Variants in ARHGAP6 observed in about 807,000 individuals in gnomAD.
ARHGAP6 encodes rho GTPase-activating protein 6.
A neutral mutation model predicts 55.7 loss-of-function variants in ARHGAP6; 16 were observed. The ratio of observed to expected loss-of-function variants is 0.29; its 90% CI spans 0.19 to 0.44. The LOEUF is 0.44. Among genes scored for constraint, ARHGAP6 ranks in the 20% least tolerant of loss-of-function variants. The pLI, the probability that ARHGAP6 is intolerant of heterozygous loss-of-function variation, is 1.00. For missense variants in ARHGAP6, 698 were observed against 808.9 expected (o/e 0.86, Z 1.66); for synonymous variants, 382 against 360.9 (o/e 1.06, Z -0.66).
intron 2 of ARHGAP6, among the ~76,000 whole-genome samples, chrX:11,209,585 ATT>A (rs1482188101): frequency 8.9e-6 from 1 of 112,758 alleles, no homozygotes; most frequent in Admixed American, 9.4e-5. Context: ...CTTTATAATA[ATT>A]TTGTTTTATA....
At chrX:11,443,751 A>T (rs1240380142) in intron 1 of ARHGAP6, among the ~76,000 whole-genome samples, 1 of 110,830 alleles carries the variant, frequency 9.0e-6, no homozygotes, top group African/African-American at 3.3e-5. Flanking sequence ...ACATGGTGAA[A>T]CCTCATCTCT....
At chrX:11,641,589 T>C (rs1295839842) in intron 1 of ARHGAP6, among the ~76,000 whole-genome samples, 1 of 111,806 alleles carries the variant, frequency 8.9e-6, no homozygotes, top group Admixed American at 9.5e-5. Context: ...CATATAGATA[T>C]TGCAAAACTT....
Position 11,659,037 on chromosome X carries a change from C to G in ARHGAP6, c.588+5204G>C, listed in dbSNP as rs749615399. Among the ~76,000 whole-genome samples the G allele has an allele frequency of 4.5e-5, 5 of 111,213 alleles. No homozygotes were observed. In the East Asian group the frequency reaches 1.4e-3, roughly 31 times the overall value. ...GAACCACTGGTCTTTATGATGATCT[C>G]TCTAAAACCCCCAGAGTACAGGGGC... On this transcript the variant is annotated intron_variant, in intron 1 of 12. Transcript: ENST00000337414.
chrX:11,572,587 A>C (rs1166505463), intron 1 of ARHGAP6, among the ~76,000 whole-genome samples: 4 of 111,509 alleles, frequency 3.6e-5, no homozygotes, highest in East Asian at 2.8e-4. Context: ...CCAGTCTATC[A>C]TTGTTGGACA....
At chrX:11,242,063 C>T (rs368249584) in intron 2 of ARHGAP6, among the ~76,000 whole-genome samples, 1 of 111,656 alleles carries the variant, frequency 9.0e-6, no homozygotes, top group East Asian at 2.8e-4. Context: ...CAGTTAAACA[C>T]TAAGAAGAAA....
intron 1 of ARHGAP6, among the ~76,000 whole-genome samples, chrX:11,570,863 G>A (rs1455448429): frequency 9.0e-6 from 1 of 111,650 alleles, no homozygotes; most frequent in East Asian, 2.8e-4. Context: ...GTGGTATTGG[G>A]AGGTAGGGGC....
At chrX:11,210,467 T>C (rs1335350821) in intron 2 of ARHGAP6, among the ~76,000 whole-genome samples, 2 of 112,810 alleles carry the variant, frequency 1.8e-5, no homozygotes, top group African/African-American at 3.2e-5. Flanking sequence ...GAATTTCTGC[T>C]ATAACAGTCC....
At chrX:11,321,160 G>A (rs770733729) in intron 1 of ARHGAP6, among the ~76,000 whole-genome samples, 86 of 111,880 alleles carry the variant, frequency 7.7e-4, no homozygotes, top group Middle Eastern at 9.2e-3. Flanking sequence ...GGATGTAAGC[G>A]GTGTTTTTAA....
intron 1 of ARHGAP6, among the ~76,000 whole-genome samples, chrX:11,451,214 G>A (rs890459463): frequency 7.1e-5 from 8 of 111,909 alleles, no homozygotes; most frequent in African/African-American, 1.3e-4. Context: ...GCTGTTAGAC[G>A]CAGGGGCAAA....
chrX:11,222,628 C>T (rs1264032402), intron 2 of ARHGAP6, among the ~76,000 whole-genome samples: 3 of 111,939 alleles, frequency 2.7e-5, no homozygotes, highest in East Asian at 5.6e-4. Context: ...ATTTCTTTAT[C>T]TACTTAAACC....
chrX:11,464,955 G>A (rs774096231), intron 1 of ARHGAP6, among the ~76,000 whole-genome samples: 2 of 111,749 alleles, frequency 1.8e-5, no homozygotes, highest in African/African-American at 6.5e-5. Flanking sequence ...TCTTCTGACT[G>A]CACCACCTTC....
chrX:11,623,621 C>T (rs1176062806), intron 1 of ARHGAP6, among the ~76,000 whole-genome samples: 3 of 104,912 alleles, frequency 2.9e-5, no homozygotes, highest in Non-Finnish European at 5.8e-5. Context: ...GGCGTGAACC[C>T]GGGAGGCGGA....
intron 1 of ARHGAP6, chrX:11,334,731 G>A (rs1000591052): frequency 2.1e-5 from 5 of 233,012 alleles, no homozygotes; most frequent in Non-Finnish European, 3.2e-5. Flanking sequence ...TCTGTTCAAT[G>A]AAGTTGCACA....
chrX:11,137,616 C>T lies in ARHGAP6; in HGVS notation c.*1247G>A, dbSNP rs2045565887. The T allele has an allele frequency of 9.5e-6, 1 of 105,388 alleles. No homozygotes were observed. Among genetic ancestry groups the T allele is most frequent in the African/African-American group, 3.5e-5 (1 of 28,597 alleles). 8.7% of individuals were successfully genotyped at this position (105,388 alleles called of 1,213,427 possible). On this transcript the variant is annotated 3_prime_UTR_variant, in exon 13 of 13. Transcript: ENST00000337414. ...ACACCACTGGGAATTTCATCACCAACATGAAAATTAAGAGTAGCATGTTTT... is the reference window on the plus strand; with the variant it reads ...ACACCACTGGGAATTTCATCACCAATATGAAAATTAAGAGTAGCATGTTTT...
At chrX:11,267,751 G>C (rs919646330) in intron 1 of ARHGAP6, among the ~76,000 whole-genome samples, 2 of 112,464 alleles carry the variant, frequency 1.8e-5, no homozygotes, top group Non-Finnish European at 3.8e-5. Context: ...TTTAAGAGTG[G>C]AAGCAAGGCA....
intron 1 of ARHGAP6, chrX:11,296,642 T>C: frequency 2.8e-6 from 2 of 711,419 alleles, no homozygotes; most frequent in Non-Finnish European, 4.3e-6. Context: ...CTGCACTATA[T>C]AGATTTTTTT....
intron 9 of ARHGAP6, among the ~76,000 whole-genome samples, chrX:11,161,987 T>C (rs1030931164): frequency 1.8e-5 from 2 of 111,516 alleles, no homozygotes; most frequent in Middle Eastern, 4.2e-3. Flanking sequence ...CTTCCCACCA[T>C]TCAAGTCATT....
chrX:11,473,464 G>A (rs1266058941), intron 1 of ARHGAP6, among the ~76,000 whole-genome samples: 4 of 111,653 alleles, frequency 3.6e-5, no homozygotes, highest in Non-Finnish European at 5.7e-5. Context: ...TTGTAAGGGT[G>A]TCCTTACAGA....
At chrX:11,354,147 G>C (rs1284011788) in intron 1 of ARHGAP6, among the ~76,000 whole-genome samples, 1 of 108,669 alleles carries the variant, frequency 9.2e-6, no homozygotes, top group African/African-American at 3.4e-5. Flanking sequence ...GAACCTACCA[G>C]TTGTGAATGT....
Sources: allele counts gnomAD v4.1 joint callset (sites outside exome capture counted in the v4.1 genomes callset), GRCh38; gene constraint gnomAD v4.1.1; transcripts MANE v1.5; gene names NCBI Gene and HGNC (gene_info 2026-07-23, HGNC 2026-07-21).